FALEC: variants seen among roughly 807,000 people sequenced by gnomAD.
FALEC encodes the protein focally amplified lncRNA on chromosome 1.
At chr1:150,526,309 C>T in the FALEC span, among the ~76,000 whole-genome samples, 2 of 145,726 alleles carry the variant, frequency 1.4e-5, no homozygotes, top group African/African-American at 2.6e-5. Context: ...GAGATCATGC[C>T]ACTGCACTCC....
At chr1:150,526,943 A>G in the FALEC span, among the ~76,000 whole-genome samples, 1 of 130,380 alleles carries the variant, frequency 7.7e-6, no homozygotes, top group East Asian at 2.3e-4. Context: ...CTATATATTT[A>G]TTTATTTATT....
chr1:150,516,141 C>T (rs1284616832), intron 1 of FALEC: 1 of 151,934 alleles, frequency 6.6e-6, no homozygotes, highest in Non-Finnish European at 1.5e-5. Flanking sequence ...ATAATCCCAG[C>T]TACTCGGGAG....
At chr1:150,527,681 C>T in the FALEC span, among the ~76,000 whole-genome samples, 1 of 152,024 alleles carries the variant, frequency 6.6e-6, no homozygotes, top group Non-Finnish European at 1.5e-5. Flanking sequence ...GAAACCCCAC[C>T]TCTACTAAAA....
the FALEC span, among the ~76,000 whole-genome samples, chr1:150,534,859 A>AAAAC: frequency 7.0e-6 from 1 of 143,104 alleles, no homozygotes; most frequent in Admixed American, 6.9e-5. Context: ...AAAAAAAAAA[A>AAAAC]TGTCCTCTCT....
the FALEC span, among the ~76,000 whole-genome samples, chr1:150,534,347 C>A: frequency 2.0e-5 from 3 of 152,328 alleles, no homozygotes; most frequent in Admixed American, 2.0e-4. Flanking sequence ...GAGCATGCCC[C>A]AAGCTCTTCT....
At chr1:150,519,032 G>A (rs1670606588), downstream of FALEC, among the ~76,000 whole-genome samples, 1 of 152,086 alleles carries the variant, frequency 6.6e-6, no homozygotes, top group Middle Eastern at 3.2e-3. Flanking sequence ...CTCCAGCCTG[G>A]GCGACAAGAG....
chr1:150,524,637 T>A, the FALEC span, among the ~76,000 whole-genome samples: 18 of 152,014 alleles, frequency 1.2e-4, no homozygotes, highest in Non-Finnish European at 2.5e-4. Context: ...TAATAAGCAA[T>A]GAAAAAATGC....
chr1:150,529,016 CAAAAA>C, the FALEC span, among the ~76,000 whole-genome samples: 951 of 59,302 alleles, frequency 0.016, 16 homozygotes, highest in African/African-American at 0.068. Flanking sequence ...AAATAAATAG[CAAAAA>C]AAAAAAAAAA....
chr1:150,529,428 A>G, the FALEC span, among the ~76,000 whole-genome samples: 4 of 152,218 alleles, frequency 2.6e-5, no homozygotes, highest in African/African-American at 7.2e-5. Context: ...GTAAATGAAA[A>G]TAGATGTGGA....
the FALEC span, among the ~76,000 whole-genome samples, chr1:150,534,494 A>G: frequency 5.2e-3 from 791 of 152,226 alleles, 8 homozygotes; most frequent in African/African-American, 0.018. Flanking sequence ...TCACCTCACT[A>G]TGCCTGGTAT....
At chr1:150,524,748 G>A in the FALEC span, among the ~76,000 whole-genome samples, 76 of 152,242 alleles carry the variant, frequency 5.0e-4, no homozygotes, top group African/African-American at 1.8e-3. Context: ...AACCAGGTAC[G>A]CATGCCTGTA....
chr1:150,527,029 G>A, the FALEC span, among the ~76,000 whole-genome samples: 14 of 150,016 alleles, frequency 9.3e-5, no homozygotes, highest in East Asian at 1.2e-3. Flanking sequence ...TCCGCCTCCC[G>A]GGTTCAAGCA....
chr1:150,527,488 A>G, the FALEC span, among the ~76,000 whole-genome samples: 3 of 151,668 alleles, frequency 2.0e-5, no homozygotes, highest in African/African-American at 4.8e-5. Context: ...TAAGCTCCTG[A>G]CCTCAGGTGA....
At chr1:150,523,791 C>T in the FALEC span, among the ~76,000 whole-genome samples, 4 of 151,970 alleles carry the variant, frequency 2.6e-5, no homozygotes, top group African/African-American at 9.7e-5. Context: ...TTTTATTTTA[C>T]AAGGCAGAAG....
chr1:150,521,096 C>A (rs150685934), downstream of FALEC, among the ~76,000 whole-genome samples: 1 of 151,998 alleles, frequency 6.6e-6, no homozygotes, highest in African/African-American at 2.4e-5. Context: ...CCACCACGCC[C>A]GGCCTCATTT....
At chr1:150,536,082 G>A in the FALEC span, among the ~76,000 whole-genome samples, 4 of 152,226 alleles carry the variant, frequency 2.6e-5, no homozygotes, top group African/African-American at 7.2e-5. Context: ...ACCATGGCAT[G>A]AGCTGTGTGG....
At chr1:150,527,140 C>T in the FALEC span, among the ~76,000 whole-genome samples, 1 of 151,226 alleles carries the variant, frequency 6.6e-6, no homozygotes, top group South Asian at 2.1e-4. Context: ...GGGGTTTCAC[C>T]ATATTGGTCA....
chr1:150,528,418 T>C, the FALEC span, among the ~76,000 whole-genome samples: 4 of 152,096 alleles, frequency 2.6e-5, no homozygotes, highest in African/African-American at 7.2e-5. Context: ...TTTTCTGTTA[T>C]GTGTAGGCCA....
the FALEC span, among the ~76,000 whole-genome samples, chr1:150,535,304 C>T: frequency 6.6e-6 from 1 of 152,108 alleles, no homozygotes; most frequent in Non-Finnish European, 1.5e-5. Flanking sequence ...AGTGCGGTGG[C>T]GCAATCTCAG....
Sources: allele counts gnomAD v4.1 joint callset (sites outside exome capture counted in the v4.1 genomes callset), GRCh38; gene constraint gnomAD v4.1.1; transcripts MANE v1.5; gene names NCBI Gene and HGNC (gene_info 2026-07-23, HGNC 2026-07-21).